RBFOX1: variants seen among roughly 807,000 people sequenced by gnomAD.
RBFOX1 encodes the protein RNA binding protein fox-1 homolog 1.
A neutral mutation model predicts 57.7 loss-of-function variants in RBFOX1; 8 were observed. The observed-to-expected ratio is 0.14, with a 90% confidence interval of 0.08 to 0.25. The LOEUF is 0.25. Among genes scored for constraint, RBFOX1 ranks in the 10% least tolerant of loss-of-function variants. The probability of loss-of-function intolerance (pLI) is 1.00; values close to 1 mark genes in which losing one functional copy is unlikely to be tolerated. For synonymous variants in RBFOX1, 326 were observed against 222.4 expected, an observed-to-expected ratio of 1.47 and a Z score of -4.15; for missense variants, 611 against 548.5, an observed-to-expected ratio of 1.11 and a Z score of -1.14.
intron 4 of RBFOX1, among the ~76,000 whole-genome samples, chr16:7,132,106 C>G (rs1194185822): frequency 6.7e-6 from 1 of 150,042 alleles, no homozygotes. Flanking sequence ...ATTCTCCTGA[C>G]TCAGGCTGGA....
At chr16:5,686,688 T>C (rs960059777) in intron 3 of RBFOX1, among the ~76,000 whole-genome samples, 3 of 152,164 alleles carry the variant, frequency 2.0e-5, no homozygotes, top group African/African-American at 7.2e-5. Flanking sequence ...GAGGGTAATA[T>C]GGGAAAAAAA....
chr16:5,770,083 T>C (rs1597179142), intron 3 of RBFOX1, among the ~76,000 whole-genome samples: 1 of 152,218 alleles, frequency 6.6e-6, no homozygotes, highest in South Asian at 2.1e-4. Context: ...GCCAGAGTAG[T>C]TTGGGTGATT....
At chr16:6,157,980 A>G (rs1326157639) in intron 1 of RBFOX1, among the ~76,000 whole-genome samples, 3 of 152,198 alleles carry the variant, frequency 2.0e-5, no homozygotes, top group Non-Finnish European at 4.4e-5. Flanking sequence ...GAAAGATGAG[A>G]TATACTAATT....
At chr16:6,788,801 C>G (rs191923638) in intron 3 of RBFOX1, among the ~76,000 whole-genome samples, 18 of 152,150 alleles carry the variant, frequency 1.2e-4, no homozygotes, top group African/African-American at 4.1e-4. Flanking sequence ...GAGGATGCCT[C>G]TGTGATGTCA....
Position 5,309,659 on chromosome 16 carries a change from C to T in RBFOX1, c.219+69554C>T, listed in dbSNP as rs552199350. On this transcript the variant is annotated intron_variant, in intron 1 of 2. Coordinates refer to the RBFOX1 transcript ENST00000585867. ...GAGTCATTTCTCATTCCTCACTCCC[C>T]TCCCACTCTCTCACCCTTCTGAGTC... 2.0e-5 allele frequency among the ~76,000 whole-genome samples: 3 copies of T among 152,276 alleles called. No homozygotes were observed. In the South Asian group the frequency reaches 6.2e-4, roughly 32 times the overall value.
At chr16:6,280,248 C>T (rs1000739382) in intron 1 of RBFOX1, among the ~76,000 whole-genome samples, 8 of 152,138 alleles carry the variant, frequency 5.3e-5, no homozygotes, top group Non-Finnish European at 1.5e-5. Context: ...GGATAAGCTG[C>T]ATCGTCCCAG....
At chr16:6,795,007 C>G (rs1461568778) in intron 3 of RBFOX1, among the ~76,000 whole-genome samples, 1 of 152,062 alleles carries the variant, frequency 6.6e-6, no homozygotes, top group Non-Finnish European at 1.5e-5. Flanking sequence ...CATCTCCTGA[C>G]AGTCAGCTTA....
At chr16:6,871,289 G>A (rs1202009222) in intron 3 of RBFOX1, among the ~76,000 whole-genome samples, 4 of 152,110 alleles carry the variant, frequency 2.6e-5, no homozygotes, top group African/African-American at 9.7e-5. Flanking sequence ...GGGTTAAAGT[G>A]ATTTTCCTGC....
intron 1 of RBFOX1, among the ~76,000 whole-genome samples, chr16:6,295,194 G>T (rs1380631164): frequency 6.7e-6 from 1 of 148,936 alleles, no homozygotes. Flanking sequence ...TGCGATCTCA[G>T]CTTACTGCAA....
intron 3 of RBFOX1, among the ~76,000 whole-genome samples, chr16:6,889,663 C>T (rs1007995588): frequency 3.3e-5 from 5 of 152,148 alleles, no homozygotes; most frequent in African/African-American, 1.2e-4. Flanking sequence ...CACCAGCTTC[C>T]ACCATGTAGT....
At chr16:6,813,698 C>G (rs1235643119) in intron 3 of RBFOX1, among the ~76,000 whole-genome samples, 1 of 152,196 alleles carries the variant, frequency 6.6e-6, no homozygotes, top group Non-Finnish European at 1.5e-5. Context: ...GTCCCATACT[C>G]TCTCACCCTA....
At chr16:7,193,912 C>G (rs781396345) in intron 4 of RBFOX1, among the ~76,000 whole-genome samples, 7 of 151,598 alleles carry the variant, frequency 4.6e-5, no homozygotes, top group African/African-American at 1.7e-4. Flanking sequence ...ATAAGATATT[C>G]TAGTAGCAGT....
At chr16:6,370,424 C>T (rs1433533844) in intron 2 of RBFOX1, among the ~76,000 whole-genome samples, 1 of 146,618 alleles carries the variant, frequency 6.8e-6, no homozygotes, top group Non-Finnish European at 1.5e-5. Context: ...TGCCGAATCA[C>T]CTGAAGAGAG....
chr16:7,531,357 G>A (rs2080027213), intron 5 of RBFOX1, among the ~76,000 whole-genome samples: 1 of 152,130 alleles, frequency 6.6e-6, no homozygotes, highest in African/African-American at 2.4e-5. Flanking sequence ...CTCATACTGG[G>A]TACCCAGTGG....
intron 3 of RBFOX1, among the ~76,000 whole-genome samples, chr16:6,891,961 T>C (rs2065538906): frequency 6.6e-6 from 1 of 152,224 alleles, no homozygotes; most frequent in African/African-American, 2.4e-5. Context: ...GCTGGTTGTA[T>C]TAACATTTGC....
chr16:6,091,562 G>A (rs762438105), intron 1 of RBFOX1, among the ~76,000 whole-genome samples: 8 of 152,182 alleles, frequency 5.3e-5, no homozygotes, highest in Non-Finnish European at 1.0e-4. Context: ...GAGTGTCATG[G>A]CTCACGCCTG....
chr16:7,332,761 T>C (rs895429288), intron 4 of RBFOX1: 3 of 1,378,410 alleles, frequency 2.2e-6, no homozygotes, highest in African/African-American at 2.9e-5. Context: ...CCTTCCATTT[T>C]GGTAGCTTCA....
Position 7,289,748 on chromosome 16 carries a change from T to A in RBFOX1, c.28-228399T>A, listed in dbSNP as rs150565766. Among the ~76,000 whole-genome samples, 272 of 152,238 alleles carry A rather than the reference T, an allele frequency of 1.8e-3. 2 individuals are homozygous for A. Among genetic ancestry groups the A allele is most frequent in the African/African-American group, 5.7e-3 (237 of 41,558 alleles). On this transcript the variant is annotated intron_variant, in intron 4 of 15. Coordinates refer to ENST00000550418, the MANE Select transcript of RBFOX1 (RefSeq NM_018723.4). ...TAAGGGGTTGCACCAAGAAATTTAG[T>A]GTATTAGTCCATGCTATCAAATTTA...
chr16:6,807,699 G>C (rs11077088), intron 3 of RBFOX1, among the ~76,000 whole-genome samples: 88,848 of 151,800 alleles, frequency 0.59, 26,436 homozygotes, highest in African/African-American at 0.61. Context: ...GCCTGTAATC[G>C]GAGCTACTCG....
Sources: gnomAD v4.1 joint callset for allele counts (sites outside exome capture counted in the v4.1 genomes callset) on GRCh38, gnomAD v4.1.1 for gene constraint, MANE v1.5 for transcripts, NCBI Gene and HGNC (gene_info 2026-07-23, HGNC 2026-07-21) for gene names.